Variants in PTPN1 observed in about 807,000 individuals in gnomAD.
The protein encoded by PTPN1 is tyrosine-protein phosphatase non-receptor type 1.
In PTPN1, 12 loss-of-function variants were observed where a neutral mutation model predicts 59.9. The ratio of observed to expected loss-of-function variants is 0.20; its 90% CI spans 0.13 to 0.32. PTPN1 has a LOEUF of 0.32. PTPN1 is among the 10% of genes least tolerant of loss of function. PTPN1 has a pLI of 1.00. For missense variants in PTPN1, 356 were observed against 549.2 expected (o/e 0.65, Z 3.52); for synonymous variants, 178 against 203.6 (o/e 0.87, Z 1.07).
At chr20:50,564,907 C>T (rs1406140088) in intron 2 of PTPN1, 62 bp from the exon 3 acceptor site, 6 of 1,602,178 alleles carry the variant, frequency 3.7e-6, no homozygotes, top group Middle Eastern at 1.7e-4. Context: ...GTAGGGTGTG[C>T]ACCTGTATGT....
rs2082894281 is a variant in PTPN1, at chr20:50,585,163, A to G, written c.*2448A>G. 6.6e-6 allele frequency: 1 copy of G among 152,258 alleles called. No homozygotes were observed. Among genetic ancestry groups the G allele is most frequent in the Admixed American group, 6.5e-5 (1 of 15,286 alleles). 9.4% of individuals were successfully genotyped at this position (152,258 alleles called of 1,614,324 possible). ...TCAGTACGTAAAGTCCACTTGATAT[A>G]GAATTGACTTAGAAATAAGACAGAT... is the stretch of plus-strand genomic sequence containing the variant. On this transcript the variant is annotated 3_prime_UTR_variant, in exon 10 of 10. Transcript: ENST00000371621.
rs149997336 is a variant in PTPN1 at position 50,547,605 on chromosome 20, G to A, written c.64-13758G>A. Among the ~76,000 whole-genome samples the A allele has an allele frequency of 9.6e-3, 1,467 of 152,158 alleles. 33 individuals carry two copies. The highest frequency in any genetic ancestry group is 0.031 in the African/African-American group (1,294 of 41,534). On this transcript the variant is annotated intron_variant, in intron 1 of 9. Transcript: ENST00000371621. ...TCTCAAACTCCTGACCTTGTGATCC[G>A]CCTGCCTCGGCCTCCCAAAGTGCTG...
intron 1 of PTPN1, among the ~76,000 whole-genome samples, chr20:50,531,079 C>G (rs1353515521): frequency 1.3e-5 from 2 of 152,056 alleles, no homozygotes; most frequent in Non-Finnish European, 2.9e-5. Flanking sequence ...TGAAGGGAAC[C>G]CTTTTCTTCT....
rs573509556 is a variant in PTPN1 at position 50,516,944 on chromosome 20, C to T, written c.63+6354C>T. ...ATATTTGAGAAGAAAGTACCTAAGT[C>T]TCCAGCATTTTAGAAATAATGCTTT... On this transcript the variant is annotated intron_variant, in intron 1 of 9. Transcript: ENST00000371621. Among the ~76,000 whole-genome samples, 5 of 152,308 alleles carry T rather than the reference C, an allele frequency of 3.3e-5. No individual in the cohort carries two copies. The South Asian group carries it at 1.0e-3, about 32-fold the overall frequency.
intron 1 of PTPN1, among the ~76,000 whole-genome samples, chr20:50,540,663 A>C (rs2122749801): frequency 6.6e-6 from 1 of 152,326 alleles, no homozygotes; most frequent in South Asian, 2.1e-4. Context: ...TCAGGTAGAA[A>C]GGCAAAATAT....
intron 5 of PTPN1, chr20:50,577,875 T>G (rs551030524): frequency 6.5e-6 from 1 of 154,502 alleles, no homozygotes; most frequent in South Asian, 2.0e-4. Flanking sequence ...GACTGCCTCT[T>G]CAGCTGGGTG....
At chr20:50,546,519 A>G (rs559078260) in intron 1 of PTPN1, among the ~76,000 whole-genome samples, 1 of 152,334 alleles carries the variant, frequency 6.6e-6, no homozygotes, top group African/African-American at 2.4e-5. Context: ...AAAGTACACT[A>G]CATCTAGAAA....
chr20:50,550,740 G>A (rs1017751245), intron 1 of PTPN1, among the ~76,000 whole-genome samples: 1 of 150,962 alleles, frequency 6.6e-6, no homozygotes, highest in Non-Finnish European at 1.5e-5. Flanking sequence ...GTTAGGAGGG[G>A]ACACTAAGAT....
At chr20:50,549,507 C>T (rs1237407270) in intron 1 of PTPN1, among the ~76,000 whole-genome samples, 4 of 152,152 alleles carry the variant, frequency 2.6e-5, no homozygotes, top group Admixed American at 6.5e-5. Context: ...ACTGTACAAG[C>T]GGACCCAACG....
rs718051 is a variant in PTPN1, at chr20:50,580,220, C to T, written c.1088+294C>T. Reference sequence around the variant, plus strand: ...GCCACCGAGTAGGGTTTTTCTGCCCCCCCTGACGACAGCGCCCTCCCCCAG... The same window carrying T: ...GCCACCGAGTAGGGTTTTTCTGCCCTCCCTGACGACAGCGCCCTCCCCCAG... On this transcript the variant is annotated intron_variant, in intron 8 of 9. Transcript: ENST00000371621. Among the ~76,000 whole-genome samples the T allele has an allele frequency of 5.3e-3, 804 of 150,944 alleles. 6 individuals are homozygous for T. The highest frequency in any genetic ancestry group is 0.019 in the African/African-American group (771 of 40,400).
intron 8 of PTPN1, among the ~76,000 whole-genome samples, chr20:50,580,766 T>C (rs547517234): frequency 8.5e-5 from 13 of 152,332 alleles, no homozygotes; most frequent in African/African-American, 3.1e-4. Flanking sequence ...GTTGTGTTTG[T>C]TGTGGCATTG....
In PTPN1 at chr20:50,579,903, TGCC is replaced by T. The variant is rs750499991; in HGVS notation, c.1068_1070del (p.Ala357del). On this transcript the variant is annotated inframe_deletion, in exon 8 of 10. Coordinates refer to ENST00000371621, the MANE Select transcript of PTPN1 (RefSeq NM_002827.4). The stretch of plus-strand genomic sequence containing the variant: ...AGGAAGAAAAAGGAAGCCCCTTAAA[TGCC>T]GCACCCTACGGCATCGAAAGGTAAT... 1.2e-6 allele frequency: 2 copies of T among 1,613,890 alleles called. No homozygotes were observed. Among genetic ancestry groups the T allele is most frequent in the South Asian group, 2.2e-5 (2 of 91,080 alleles).
At chr20:50,533,898 G>A (rs2122739808) in intron 1 of PTPN1, among the ~76,000 whole-genome samples, 1 of 152,260 alleles carries the variant, frequency 6.6e-6, no homozygotes, top group East Asian at 1.9e-4. Flanking sequence ...GCACAGAAGA[G>A]GAGCAGATTG....
At chr20:50,574,368 G>T in intron 4 of PTPN1, 149 bp from the exon 5 acceptor site, 1 of 773,316 alleles carries the variant, frequency 1.3e-6, no homozygotes, top group Non-Finnish European at 1.9e-6. Context: ...CTCCCCATGA[G>T]GCAGGCATCT....
At chr20:50,567,298 G>A (rs1197017762) in intron 3 of PTPN1, among the ~76,000 whole-genome samples, 1 of 152,114 alleles carries the variant, frequency 6.6e-6, no homozygotes, top group Admixed American at 6.6e-5. Flanking sequence ...GTGGTAGTGT[G>A]CACCTGTAAT....
At chr20:50,538,521 G>A (rs900992948) in intron 1 of PTPN1, among the ~76,000 whole-genome samples, 8 of 152,220 alleles carry the variant, frequency 5.3e-5, no homozygotes, top group African/African-American at 9.6e-5. Flanking sequence ...CGCTGTTTAC[G>A]TTTGCGTGTG....
At chr20:50,564,281 A>G (rs926813284) in intron 2 of PTPN1, among the ~76,000 whole-genome samples, 38 of 152,184 alleles carry the variant, frequency 2.5e-4, no homozygotes, top group African/African-American at 8.7e-4. Context: ...TGAAGCCACC[A>G]TATTTTCTGC....
At chr20:50,580,251 C>T (rs1018482358) in intron 8 of PTPN1, among the ~76,000 whole-genome samples, 5 of 152,190 alleles carry the variant, frequency 3.3e-5, no homozygotes, top group African/African-American at 4.8e-5. Flanking sequence ...CCCAGGTTTC[C>T]GGACAGTCCT....
chr20:50,558,877 C>CA (rs1385649968), intron 1 of PTPN1, among the ~76,000 whole-genome samples: 1 of 152,098 alleles, frequency 6.6e-6, no homozygotes, highest in African/African-American at 2.4e-5. Flanking sequence ...CCTTTGTCTT[C>CA]ACTCTTGGTC....
Sources: allele counts gnomAD v4.1 joint callset (sites outside exome capture counted in the v4.1 genomes callset), GRCh38; gene constraint gnomAD v4.1.1; transcripts MANE v1.5; gene names NCBI Gene and HGNC (gene_info 2026-07-23, HGNC 2026-07-21).